Variants in PIANP observed in about 807,000 individuals in gnomAD.
PIANP encodes PILR alpha-associated neural protein.
Under a neutral mutation model 28.9 loss-of-function variants are expected in PIANP, and 14 were observed. The observed-to-expected ratio is 0.49, with a 90% confidence interval of 0.32 to 0.76. PIANP has a LOEUF of 0.76. PIANP is among the 30% of genes least tolerant of loss of function. PIANP has a pLI of 0.03. For synonymous variants in PIANP, 149 were observed against 156.6 expected (o/e 0.95, Z 0.36); for missense variants, 322 against 371.8 (o/e 0.87, Z 1.10).
Position 6,695,115 on chromosome 12 carries a change from G to T in PIANP, c.*311C>A. 1 of 1,543,086 alleles carries T rather than the reference G, an allele frequency of 6.5e-7. No homozygotes were observed. Among genetic ancestry groups the T allele is most frequent in the Non-Finnish European group, 8.7e-7 (1 of 1,144,174 alleles). On this transcript the variant is annotated 3_prime_UTR_variant, in exon 5 of 5. Coordinates refer to ENST00000534837, the MANE Select transcript of PIANP (RefSeq NM_001244014.2). This position sits in a 1 kb window ranked among gnomAD's most constrained non-coding sequence, Gnocchi z 4.2. Reference sequence around the variant, plus strand: ...ACCAAGGGGTAGGCCAGAATAGAAGGGGAAGTTCAAGACAAAGAGGGGGAA... The same window carrying T: ...ACCAAGGGGTAGGCCAGAATAGAAGTGGAAGTTCAAGACAAAGAGGGGGAA...
rs1480351912 is a variant in PIANP at position 6,696,389 on chromosome 12, C to A, written c.605+54G>T. On this transcript the variant is annotated intron_variant, in intron 4 of 4. Coordinates refer to ENST00000534837, the MANE Select transcript of PIANP (RefSeq NM_001244014.2). This position sits in a 1 kb window ranked among gnomAD's most constrained non-coding sequence, Gnocchi z 4.0. ...CCACTGCCCCTCGTGGTTAGAGCCTCGACTGCCAAACATTCCGTCCCCATC... is the reference window on the plus strand; with the variant it reads ...CCACTGCCCCTCGTGGTTAGAGCCTAGACTGCCAAACATTCCGTCCCCATC... 90 of 1,424,534 alleles carry A rather than the reference C, an allele frequency of 6.3e-5. No individual in the cohort carries two copies. The highest frequency in any genetic ancestry group is 4.7e-6 in the Non-Finnish European group (5 of 1,054,160). The allele number at this position is 1,424,534 out of a possible 1,614,324, so 88.2% of individuals were successfully genotyped here. A position where few individuals can be genotyped will look rare whatever the true frequency, so the allele number is the denominator to read the frequency against.
In PIANP at chr12:6,696,359, T is replaced by G; in HGVS notation, c.605+84A>C. 9.4e-7 allele frequency: 1 copy of G among 1,064,048 alleles called. No individual in the cohort carries two copies. Among genetic ancestry groups the G allele is most frequent in the Non-Finnish European group, 1.3e-6 (1 of 764,162 alleles). 65.9% of individuals were successfully genotyped at this position (1,064,048 alleles called of 1,614,324 possible). On this transcript the variant is annotated intron_variant, in intron 4 of 4. Transcript: ENST00000534837. The surrounding 1 kb of genome is among the most constrained non-coding windows in gnomAD (Gnocchi z 4.0). ...TTTCCCACCCACCCCCCAGCAAAAT[T>G]GCTGCCACTGCCCCTCGTGGTTAGA... is the stretch of plus-strand genomic sequence containing the variant.
chr12:6,695,692 G>A lies in PIANP; in HGVS notation c.606-41C>T. Reference sequence around the variant, plus strand: ...AAAAGAGGTTCTCTTGCACACTCAAGTAGCCCCCATCCTGGGCCTGCACCA... The same window carrying A: ...AAAAGAGGTTCTCTTGCACACTCAAATAGCCCCCATCCTGGGCCTGCACCA... On this transcript the variant is annotated intron_variant, in intron 4 of 4. Transcript: ENST00000534837. The surrounding 1 kb of genome is among the most constrained non-coding windows in gnomAD (Gnocchi z 4.2). The A allele has an allele frequency of 1.4e-6, 2 of 1,430,176 alleles. No individual in the cohort carries two copies. The highest frequency in any genetic ancestry group is 1.8e-6 in the Non-Finnish European group (2 of 1,086,076). 88.6% of individuals were successfully genotyped at this position (1,430,176 alleles called of 1,614,324 possible).
rs182499849 is a variant in PIANP, at chr12:6,694,790, C to T, written c.*636G>A. On this transcript the variant is annotated 3_prime_UTR_variant, in exon 5 of 5. Transcript: ENST00000534837. The surrounding 1 kb of genome is among the most constrained non-coding windows in gnomAD (Gnocchi z 6.1). ...TGAAGGTGGAGGTGAGTGTGCAAGG[C>T]TTTCATGTGAGTGCACAAGGGTGGG... The T allele has an allele frequency of 1.3e-3, 656 of 485,972 alleles. 1 individual carries two copies. The highest frequency in any genetic ancestry group is 2.0e-3 in the Non-Finnish European group (555 of 271,086). 30.1% of individuals were successfully genotyped at this position (485,972 alleles called of 1,614,324 possible). A position where few individuals can be genotyped will look rare whatever the true frequency, so the allele number is the denominator to read the frequency against.
At chr12:6,692,371 C>T (rs1003485102), downstream of PIANP, among the ~76,000 whole-genome samples, 2 of 152,310 alleles carry the variant, frequency 1.3e-5, no homozygotes, top group South Asian at 2.1e-4. Flanking sequence ...GTGTGCTCTC[C>T]GGCACTTGAG....
Position 6,697,318 on chromosome 12 carries a change from C to G in PIANP, c.492G>C (p.Leu164=). ...GLILGEAPAT[L]RPFLFGGRGE... Reference sequence around the variant, plus strand: ...CACGGCCCCCGAACAGGAATGGCCGCAGGGTGGCAGGTGCCTCTCCAAGGA... The same window carrying G: ...CACGGCCCCCGAACAGGAATGGCCGGAGGGTGGCAGGTGCCTCTCCAAGGA... The change falls in exon 3 of 5, where the codon CTG becomes CTC. Residue 164 remains leucine (L), a synonymous_variant. Transcript: ENST00000534837. The surrounding 1 kb of genome is among the most constrained non-coding windows in gnomAD (Gnocchi z 6.9). 1 of 1,613,994 alleles carries G rather than the reference C, an allele frequency of 6.2e-7. No homozygotes were observed. Among genetic ancestry groups the G allele is most frequent in the Non-Finnish European group, 8.5e-7 (1 of 1,179,886 alleles).
chr12:6,697,672 CG>C lies in PIANP; in HGVS notation c.137del (p.Pro46ArgfsTer174). 1 of 1,239,218 alleles carries C rather than the reference CG, an allele frequency of 8.1e-7. No homozygotes were observed. The highest frequency in any genetic ancestry group is 1.4e-5 in the South Asian group (1 of 70,156). The allele number at this position is 1,239,218 out of a possible 1,614,324, so 76.8% of individuals were successfully genotyped here. A position where few individuals can be genotyped will look rare whatever the true frequency, so the allele number is the denominator to read the frequency against. On this transcript the variant is annotated frameshift_variant, in exon 3 of 5. Transcript: ENST00000534837. LOFTEE classifies it high-confidence loss of function. The surrounding 1 kb of genome is among the most constrained non-coding windows in gnomAD (Gnocchi z 6.9). ...PRTPPAPARP[P>X]CARGGPSAPR... ...GGGCCGAGGGGCCTCCCCTGGCACA[CG>C]GGGGGCGGGCTGGGGCTGGTGGGGT...
rs1187340046 is a variant in PIANP at position 6,696,330 on chromosome 12, A to G, written c.605+113T>C. ...TTTTCCCAAGGTCTTGCCTTCATCC[A>G]GCATTTCCCACCCACCCCCCAGCAA... On this transcript the variant is annotated intron_variant, in intron 4 of 4. Coordinates refer to ENST00000534837, the MANE Select transcript of PIANP (RefSeq NM_001244014.2). This position sits in a 1 kb window ranked among gnomAD's most constrained non-coding sequence, Gnocchi z 4.0. The G allele has an allele frequency of 1.4e-6, 1 of 731,430 alleles. No homozygotes were observed. Among genetic ancestry groups the G allele is most frequent in the Non-Finnish European group, 2.2e-6 (1 of 461,268 alleles). The allele number at this position is 731,430 out of a possible 1,614,324, so 45.3% of individuals were successfully genotyped here.
chr12:6,699,283 C>T (rs1195090925), intron 1 of PIANP, among the ~76,000 whole-genome samples: 1 of 152,062 alleles, frequency 6.6e-6, no homozygotes, highest in Non-Finnish European at 1.5e-5. Context: ...TGAATCTTCC[C>T]AGAGAACAAC....
At chr12:6,698,611 A>G (rs1419652827) in intron 1 of PIANP, 1 of 150,100 alleles carries the variant, frequency 6.7e-6, no homozygotes, top group East Asian at 2.1e-4. Context: ...TAGCCCCAGG[A>G]GTCTGCATCT....
chr12:6,696,585 G>A lies in PIANP; in HGVS notation c.524-61C>T. ...GAGGTGGTAGGAGCCAAGAGGGGCT[G>A]GGGGCTGGGCTGTGGGCTCTGTCGG... is the stretch of plus-strand genomic sequence containing the variant. On this transcript the variant is annotated intron_variant, in intron 3 of 4. Transcript: ENST00000534837. The surrounding 1 kb of genome is among the most constrained non-coding windows in gnomAD (Gnocchi z 4.0). 3.1e-6 allele frequency: 4 copies of A among 1,281,466 alleles called. No individual in the cohort carries two copies. The highest frequency in any genetic ancestry group is 4.3e-6 in the Non-Finnish European group (4 of 933,474). The allele number at this position is 1,281,466 out of a possible 1,614,324, so 79.4% of individuals were successfully genotyped here.
At position 6,696,132 on chromosome 12, in the gene PIANP, G is replaced by A. The variant is rs1592448262; in HGVS notation, c.605+311C>T. ...TGCTCCCCCCAGGCAACCCTAAGAAGGGCTCTGCAGACTGGGTCAGCTTTC... is the reference window on the plus strand; with the variant it reads ...TGCTCCCCCCAGGCAACCCTAAGAAAGGCTCTGCAGACTGGGTCAGCTTTC... On this transcript the variant is annotated intron_variant, in intron 4 of 4. Coordinates refer to ENST00000534837, the MANE Select transcript of PIANP (RefSeq NM_001244014.2). This position sits in a 1 kb window ranked among gnomAD's most constrained non-coding sequence, Gnocchi z 4.0. Among the ~76,000 whole-genome samples the A allele has an allele frequency of 6.6e-6, 1 of 152,110 alleles. No individual in the cohort carries two copies. The highest frequency in any genetic ancestry group is 1.9e-4 in the East Asian group (1 of 5,198).
rs902185319 is a variant in PIANP, at chr12:6,700,782, G to C, written c.-212C>G. On this transcript the variant is annotated 5_prime_UTR_variant, in exon 1 of 5. Coordinates refer to ENST00000534837, the MANE Select transcript of PIANP (RefSeq NM_001244014.2). The surrounding 1 kb of genome is among the most constrained non-coding windows in gnomAD (Gnocchi z 5.5). ...CTGGGGCGCGGGGCGGCGGCGGTGGGAGATGCTCGCCTCGGCTCGGCTCGG... is the reference window on the plus strand; with the variant it reads ...CTGGGGCGCGGGGCGGCGGCGGTGGCAGATGCTCGCCTCGGCTCGGCTCGG... 4 of 152,436 alleles carry C rather than the reference G, an allele frequency of 2.6e-5. No homozygotes were observed. 9.4% of individuals were successfully genotyped at this position (152,436 alleles called of 1,614,324 possible).
chr12:6,697,970 G>C lies in PIANP; in HGVS notation c.17+75C>G, dbSNP rs1959930613. The C allele has an allele frequency of 6.5e-7, 1 of 1,540,534 alleles. No homozygotes were observed. The highest frequency in any genetic ancestry group is 8.8e-7 in the Non-Finnish European group (1 of 1,137,800). ...TGGCCCTCAGGATGGGAAGGCTCTG[G>C]ATGGGTCTAGGAAGGAAGGAGTCAT... is the stretch of plus-strand genomic sequence containing the variant. On this transcript the variant is annotated intron_variant, in intron 2 of 4. Coordinates refer to ENST00000534837, the MANE Select transcript of PIANP (RefSeq NM_001244014.2). The surrounding 1 kb of genome is among the most constrained non-coding windows in gnomAD (Gnocchi z 6.9).
chr12:6,698,222 G>C (rs1247445415), intron 1 of PIANP, 118 bp from the exon 2 acceptor site: 1 of 813,016 alleles, frequency 1.2e-6, no homozygotes, highest in East Asian at 2.7e-5. Flanking sequence ...CAGCTATGCG[G>C]CTGCACCCAG....
Position 6,695,792 on chromosome 12 carries a change from A to G in PIANP, c.606-141T>C. 1 of 1,025,676 alleles carries G rather than the reference A, an allele frequency of 9.7e-7. No individual in the cohort carries two copies. The highest frequency in any genetic ancestry group is 3.6e-5 in the South Asian group (1 of 27,460). The allele number at this position is 1,025,676 out of a possible 1,614,324, so 63.5% of individuals were successfully genotyped here. A position where few individuals can be genotyped will look rare whatever the true frequency, so the allele number is the denominator to read the frequency against. ...AAACTGGCCTTTAACAGTTCTCTCT[A>G]CTAAATCCCCTGGGACTCTGTGCCC... is the stretch of plus-strand genomic sequence containing the variant. On this transcript the variant is annotated intron_variant, in intron 4 of 4. Coordinates refer to ENST00000534837, the MANE Select transcript of PIANP (RefSeq NM_001244014.2). This position sits in a 1 kb window ranked among gnomAD's most constrained non-coding sequence, Gnocchi z 4.2.
chr12:6,696,535 TG>T lies in PIANP; in HGVS notation c.524-12del. The T allele has an allele frequency of 6.4e-7, 1 of 1,572,650 alleles. No homozygotes were observed. Among genetic ancestry groups the T allele is most frequent in the East Asian group, 2.4e-5 (1 of 42,536 alleles). ...GCTGGGGGTCCACACCTGATTGGGG[TG>T]GGAAGAAAGTTTTAGGGAGCCCCGA... On this transcript the variant is annotated splice_polypyrimidine_tract_variant and intron_variant, in intron 3 of 4. Coordinates refer to ENST00000534837, the MANE Select transcript of PIANP (RefSeq NM_001244014.2). The surrounding 1 kb of genome is among the most constrained non-coding windows in gnomAD (Gnocchi z 4.0).
chr12:6,695,130 AAG>A lies in PIANP; in HGVS notation c.*294_*295del, dbSNP rs1260369977. 9.8e-6 allele frequency: 15 copies of A among 1,523,494 alleles called. No homozygotes were observed. Among genetic ancestry groups the A allele is most frequent in the Admixed American group, 4.4e-5 (2 of 45,046 alleles). 94.4% of individuals were successfully genotyped at this position (1,523,494 alleles called of 1,614,324 possible). On this transcript the variant is annotated 3_prime_UTR_variant, in exon 5 of 5. Coordinates refer to ENST00000534837, the MANE Select transcript of PIANP (RefSeq NM_001244014.2). The surrounding 1 kb of genome is among the most constrained non-coding windows in gnomAD (Gnocchi z 4.2). ...AGAATAGAAGGGGAAGTTCAAGACA[AAG>A]AGGGGGAATCAAGGTTAAGAGGGCA... is the stretch of plus-strand genomic sequence containing the variant.
rs374123435 is a variant in PIANP at position 6,695,081 on chromosome 12, C to T, written c.*345G>A. On this transcript the variant is annotated 3_prime_UTR_variant, in exon 5 of 5. Coordinates refer to ENST00000534837, the MANE Select transcript of PIANP (RefSeq NM_001244014.2). This position sits in a 1 kb window ranked among gnomAD's most constrained non-coding sequence, Gnocchi z 4.2. Reference sequence around the variant, plus strand: ...TCCTGAGAGGAAGAGGGAAAGGGCACAGTCAGGAACCAAGGGGTAGGCCAG... The same window carrying T: ...TCCTGAGAGGAAGAGGGAAAGGGCATAGTCAGGAACCAAGGGGTAGGCCAG... The T allele has an allele frequency of 7.6e-6, 12 of 1,573,010 alleles. No homozygotes were observed. Among genetic ancestry groups the T allele is most frequent in the Non-Finnish European group, 9.5e-6 (11 of 1,158,692 alleles).
Sources: allele counts gnomAD v4.1 joint callset (sites outside exome capture counted in the v4.1 genomes callset), GRCh38; gene constraint gnomAD v4.1.1; non-coding constraint Gnocchi (gnomAD v3.1); transcripts MANE v1.5; gene names NCBI Gene and HGNC (gene_info 2026-07-23, HGNC 2026-07-21).